The following ZNF282 variants were observed in gnomAD, a reference collection of about 807,000 sequenced individuals.
The protein encoded by ZNF282 is HTLV-I U5 repressive element-binding protein 1.
Under a neutral mutation model 61.9 loss-of-function variants are expected in ZNF282, and 30 were observed. The ratio of observed to expected loss-of-function variants is 0.48; its 90% CI spans 0.36 to 0.66. The LOEUF (loss-of-function observed/expected upper bound fraction) is 0.66, where lower values mean the gene tolerates loss of function less well. ZNF282 is among the 30% of genes least tolerant of loss of function. ZNF282 has a pLI of 0.00. For synonymous variants in ZNF282, 396 were observed against 405.0 expected (o/e 0.98, Z 0.27); for missense variants, 788 against 941.4 (o/e 0.84, Z 2.13).
intron 7 of ZNF282, 136 bp from the exon 8 acceptor site, chr7:149,223,676 C>G: frequency 1.0e-6 from 1 of 1,000,890 alleles, no homozygotes; most frequent in Non-Finnish European, 1.3e-6. Context: ...AGATCGTGGC[C>G]CAGCACCTTG....
chr7:149,222,496 G>A (rs1796271446), intron 7 of ZNF282, among the ~76,000 whole-genome samples: 1 of 152,160 alleles, frequency 6.6e-6, no homozygotes, highest in South Asian at 2.1e-4. Flanking sequence ...AGATAAAAGT[G>A]AGCATTGTCA....
chr7:149,203,403 A>C (rs904885002), intron 2 of ZNF282, among the ~76,000 whole-genome samples: 1 of 152,224 alleles, frequency 6.6e-6, no homozygotes, highest in African/African-American at 2.4e-5. Flanking sequence ...GCTGGAGTAC[A>C]GTTATACAAT....
chr7:149,224,523 C>CGTGCGGCGA lies in ZNF282; in HGVS notation c.1900_1908dup (p.Glu634_Gly636dup), dbSNP rs1796328475. ...ATCCACACGGGCGAGCGCCCCTACA[C>CGTGCGGCGA]GTGCGGCGAGTGCGGCAAGAGCTTC... On this transcript the variant is annotated inframe_insertion, in exon 8 of 8. Transcript: ENST00000610704. 6.2e-7 allele frequency: 1 copy of CGTGCGGCGA among 1,612,194 alleles called. No homozygotes were observed. Among genetic ancestry groups the CGTGCGGCGA allele is most frequent in the South Asian group, 1.1e-5 (1 of 91,072 alleles).
chr7:149,205,596 G>GC (rs1355600104), intron 2 of ZNF282, among the ~76,000 whole-genome samples: 1 of 152,122 alleles, frequency 6.6e-6, no homozygotes, highest in African/African-American at 2.4e-5. Flanking sequence ...TAGGGGTGGG[G>GC]CCATGGCACT....
chr7:149,215,902 C>G (rs1796155390), intron 7 of ZNF282, among the ~76,000 whole-genome samples: 1 of 152,146 alleles, frequency 6.6e-6, no homozygotes, highest in Non-Finnish European at 1.5e-5. Flanking sequence ...CCTTCCTTAT[C>G]CCTCAATGCT....
chr7:149,223,115 C>A (rs571394543), intron 7 of ZNF282, among the ~76,000 whole-genome samples: 66 of 152,192 alleles, frequency 4.3e-4, no homozygotes, highest in South Asian at 8.3e-4. Flanking sequence ...GCTGGGATTA[C>A]ATGCATGGGC....
chr7:149,208,007 C>T (rs1796025427), intron 4 of ZNF282, among the ~76,000 whole-genome samples: 1 of 152,172 alleles, frequency 6.6e-6, no homozygotes, highest in Non-Finnish European at 1.5e-5. Flanking sequence ...TTGATGAGCT[C>T]TTGCTGGGGT....
At chr7:149,195,984 G>A (rs1418600793) in intron 1 of ZNF282, among the ~76,000 whole-genome samples, 2 of 150,670 alleles carry the variant, frequency 1.3e-5, no homozygotes, top group African/African-American at 4.8e-5. Flanking sequence ...GCGCGGAGCA[G>A]CGGTCGCCGG....
At chr7:149,195,932 C>A (rs1444267816) in intron 1 of ZNF282, among the ~76,000 whole-genome samples, 178 bp downstream of exon 1, 2 of 148,436 alleles carry the variant, frequency 1.3e-5, no homozygotes, top group Non-Finnish European at 3.0e-5. Context: ...CAGGACGGAG[C>A]GGGCCCGACG....
At chr7:149,213,127 C>G (rs902690481) in intron 6 of ZNF282, among the ~76,000 whole-genome samples, 14 of 152,326 alleles carry the variant, frequency 9.2e-5, no homozygotes, top group African/African-American at 3.4e-4. Flanking sequence ...AGTCCAGTGT[C>G]ATTGCCTGGT....
rs999778259 is a variant in ZNF282 at position 149,207,252 on chromosome 7, G to A, written c.713-99G>A. The stretch of plus-strand genomic sequence containing the variant: ...TGCTGCCAAAGAGGGACACCCAGGA[G>A]GAGAGGGGGAGATGGGGTAGGGGAG... On this transcript the variant is annotated intron_variant, in intron 3 of 7. Coordinates refer to ENST00000610704, the MANE Select transcript of ZNF282 (RefSeq NM_003575.4). 1.1e-5 allele frequency: 16 copies of A among 1,455,324 alleles called. No individual in the cohort carries two copies. The Admixed American group carries it at 1.4e-4, about 13-fold the overall frequency. 90.2% of individuals were successfully genotyped at this position (1,455,324 alleles called of 1,614,324 possible).
chr7:149,206,563 C>T, intron 2 of ZNF282, 133 bp from the exon 3 acceptor site: 1 of 1,304,622 alleles, frequency 7.7e-7, no homozygotes, highest in Non-Finnish European at 1.1e-6. Flanking sequence ...CTGAGATGGA[C>T]AGTGGGGACT....
chr7:149,209,709 C>G (rs1796052652), intron 4 of ZNF282, among the ~76,000 whole-genome samples: 1 of 152,112 alleles, frequency 6.6e-6, no homozygotes, highest in Non-Finnish European at 1.5e-5. Context: ...GGATCCCAGT[C>G]TTCAGATTCT....
intron 7 of ZNF282, among the ~76,000 whole-genome samples, chr7:149,214,232 C>T (rs938446018): frequency 5.3e-5 from 8 of 152,176 alleles, no homozygotes; most frequent in African/African-American, 1.9e-4. Context: ...CCTCTGTTGT[C>T]ACATGGTGTT....
rs1229709857 is a variant in ZNF282, at chr7:149,224,130, G to T, written c.1499G>T (p.Cys500Phe). 4.1e-6 allele frequency: 6 copies of T among 1,475,152 alleles called. No homozygotes were observed. Among genetic ancestry groups the T allele is most frequent in the Middle Eastern group, 2.4e-4 (1 of 4,184 alleles). 91.4% of individuals were successfully genotyped at this position (1,475,152 alleles called of 1,614,324 possible). The change falls in exon 8 of 8, where the codon TGC becomes TTC. Residue 500 changes from cysteine (C) to phenylalanine (F), a missense_variant. Cys to Phe is a radical substitution (Grantham distance 205). This residue lies in a region of ZNF282 where 559 missense variants were observed against 642.0 expected (regional missense o/e 0.87). Transcript: ENST00000610704. ...TGAGGGCGSC[C>F]PGGLRRSLLL... ...GCAGGCGGCGGCTGTGGCAGCTGCT[G>T]CCCTGGCGGGCTGCGGCGGAGCCTC...
rs1796005353 is a variant in ZNF282 at position 149,207,210 on chromosome 7, C to T, written c.713-141C>T. 15 of 1,044,448 alleles carry T rather than the reference C, an allele frequency of 1.4e-5. No individual in the cohort carries two copies. The East Asian group carries it at 2.1e-4, about 14-fold the overall frequency. 64.7% of individuals were successfully genotyped at this position (1,044,448 alleles called of 1,614,324 possible). ...TCTATCGACTCGTTTTCAGATTACCCGCCTAACTCGCATAACTGCTGCCAA... is the reference window on the plus strand; with the variant it reads ...TCTATCGACTCGTTTTCAGATTACCTGCCTAACTCGCATAACTGCTGCCAA... On this transcript the variant is annotated intron_variant, in intron 3 of 7. Transcript: ENST00000610704.
intron 2 of ZNF282, among the ~76,000 whole-genome samples, chr7:149,204,214 C>A (rs946073869): frequency 6.6e-6 from 1 of 152,026 alleles, no homozygotes; most frequent in African/African-American, 2.4e-5. Flanking sequence ...ATTACGGGAA[C>A]CAAGCAGGAT....
chr7:149,203,683 G>A (rs988999523), intron 2 of ZNF282, among the ~76,000 whole-genome samples: 1 of 152,160 alleles, frequency 6.6e-6, no homozygotes, highest in Non-Finnish European at 1.5e-5. Flanking sequence ...CCTATCATTG[G>A]TCAAATGTAT....
Position 149,224,605 on chromosome 7 carries a change from C to G in ZNF282, c.1974C>G (p.Pro658=), listed in dbSNP as rs200499679. ...GCGTGCACAGCGGCGGCCCGGGCCC[C>G]GGCGCCCCACGGCAGCTCCCGCCGC... is the stretch of plus-strand genomic sequence containing the variant. ...HLRVHSGGPG[P]GAPRQLPPPP... is the part of the protein sequence containing the mutation. Residue 658 remains proline (P), a synonymous_variant, in exon 8 of 8, where the codon CCC becomes CCG. Coordinates refer to ENST00000610704, the MANE Select transcript of ZNF282 (RefSeq NM_003575.4). 1.3e-6 allele frequency: 2 copies of G among 1,552,290 alleles called. No individual in the cohort carries two copies. Among genetic ancestry groups the G allele is most frequent in the Admixed American group, 3.8e-5 (2 of 52,248 alleles).
Sources: allele counts gnomAD v4.1 joint callset (sites outside exome capture counted in the v4.1 genomes callset), GRCh38; gene constraint gnomAD v4.1.1; regional missense constraint gnomAD v4.1.1; transcripts MANE v1.5; gene names NCBI Gene and HGNC (gene_info 2026-07-23, HGNC 2026-07-21).